ZNF469: variants seen among roughly 807,000 people sequenced by gnomAD.
ZNF469 encodes the protein zinc finger protein 469.
In ZNF469, 1 loss-of-function variant was observed where a neutral mutation model predicts 1.0. That is an observed-to-expected ratio of 1.00 (90% CI 0.35 to 4.73). The LOEUF (loss-of-function observed/expected upper bound fraction) is 4.73, where lower values mean the gene tolerates loss of function less well. Among genes scored for constraint, ZNF469 ranks in the 30% most tolerant of loss-of-function variants. The pLI is 0.16. For missense variants in ZNF469, 6,100 were observed against 5,356.3 expected (o/e 1.14, Z -4.33); for synonymous variants, 2,703 against 2,363.4 (o/e 1.14, Z -4.17).
the ZNF469 span, among the ~76,000 whole-genome samples, chr16:88,236,451 C>T: frequency 6.3e-5 from 8 of 127,380 alleles, no homozygotes; most frequent in African/African-American, 1.2e-4. Flanking sequence ...CATAGGGAGG[C>T]GGGTATAAAG....
Position 88,427,657 on chromosome 16 carries a change from G to C in ZNF469, c.187G>C (p.Ala63Pro). 2 of 1,536,862 alleles carry C rather than the reference G, an allele frequency of 1.3e-6. No homozygotes were observed. Among genetic ancestry groups the C allele is most frequent in the South Asian group, 2.4e-5 (2 of 83,902 alleles). ...GGCCCAGGCCATGGAGCTCCCCGAG[G>C]CCCAGCCAAGGCAGGCCAGGGACGG... ...GQAQAMELPE[A>P]QPRQARDGEL... Residue 63 changes from alanine (A) to proline (P), a missense_variant, in exon 3 of 3, where the codon GCC becomes CCC. Transcript: ENST00000565624.
At chr16:88,195,649 G>C in the ZNF469 span, among the ~76,000 whole-genome samples, 1 of 152,228 alleles carries the variant, frequency 6.6e-6, no homozygotes. Flanking sequence ...GAGAGGGCAT[G>C]GGCCCAGCTA....
At chr16:88,173,152 C>T in the ZNF469 span, among the ~76,000 whole-genome samples, 1 of 152,038 alleles carries the variant, frequency 6.6e-6, no homozygotes, top group Non-Finnish European at 1.5e-5. Context: ...ACCAAAAGAG[C>T]CACATCAAGG....
At chr16:88,149,966 A>G in the ZNF469 span, among the ~76,000 whole-genome samples, 25 of 152,190 alleles carry the variant, frequency 1.6e-4, no homozygotes, top group South Asian at 3.5e-3. Flanking sequence ...GGTGTTGCCT[A>G]CCTCTGTCAG....
rs761979697 is a variant in ZNF469, at chr16:88,436,524, C to T, written c.9054C>T (p.Pro3018=). 62 of 1,548,946 alleles carry T rather than the reference C, an allele frequency of 4.0e-5. No homozygotes were observed. Among genetic ancestry groups the T allele is most frequent in the East Asian group, 1.2e-4 (5 of 40,930 alleles). The change falls in exon 3 of 3, where the codon CCC becomes CCT. Residue 3018 remains proline (P), a synonymous_variant. Transcript: ENST00000565624. The part of the protein sequence containing the change: ...DSSSSLGDVS[P]EPPSLERERC... Reference sequence around the variant, plus strand: ...CCTCTTCTCTCGGAGATGTGAGCCCCGAGCCCCCCAGCCTGGAGAGAGAAC... The same window carrying T: ...CCTCTTCTCTCGGAGATGTGAGCCCTGAGCCCCCCAGCCTGGAGAGAGAAC...
chr16:88,316,145 C>T, the ZNF469 span, among the ~76,000 whole-genome samples: 1 of 152,246 alleles, frequency 6.6e-6, no homozygotes, highest in East Asian at 1.9e-4. Flanking sequence ...GGAGCAGCTT[C>T]CCCCAGGTCC....
the ZNF469 span, among the ~76,000 whole-genome samples, chr16:88,301,947 C>T: frequency 1.3e-5 from 2 of 152,292 alleles, no homozygotes; most frequent in Admixed American, 1.3e-4. Context: ...GCCCTCCTCC[C>T]CCAATCCTTG....
chr16:88,242,322 A>G, the ZNF469 span, among the ~76,000 whole-genome samples: 3 of 152,134 alleles, frequency 2.0e-5, no homozygotes, highest in Non-Finnish European at 1.5e-5. Flanking sequence ...TTCTTCAACA[A>G]TGCATTTCTG....
rs999670971 is a variant in ZNF469 at position 88,435,816 on chromosome 16, C to T, written c.8346C>T (p.His2782=). The T allele has an allele frequency of 5.2e-5, 81 of 1,550,436 alleles. No individual in the cohort carries two copies. In the East Asian group the frequency reaches 1.9e-3, roughly 37 times the overall value. ...SEPAEDSSRA[H]SRSEEGVWEE... is the part of the protein sequence containing the mutation. Reference sequence around the variant, plus strand: ...CTGCGGAGGACAGCAGCAGGGCCCACAGCCGATCAGAGGAAGGTGTCTGGG... The same window carrying T: ...CTGCGGAGGACAGCAGCAGGGCCCATAGCCGATCAGAGGAAGGTGTCTGGG... Residue 2782 remains histidine (H), a synonymous_variant, in exon 3 of 3, where the codon CAC becomes CAT. Coordinates refer to ENST00000565624, the MANE Select transcript of ZNF469 (RefSeq NM_001367624.2).
the ZNF469 span, among the ~76,000 whole-genome samples, chr16:88,258,622 G>T: frequency 6.6e-6 from 1 of 151,994 alleles, no homozygotes; most frequent in African/African-American, 2.4e-5. Flanking sequence ...GGTAGCATTT[G>T]GCACAGACCC....
chr16:88,367,505 C>T, the ZNF469 span, among the ~76,000 whole-genome samples: 2 of 152,224 alleles, frequency 1.3e-5, no homozygotes, highest in Admixed American at 1.3e-4. Flanking sequence ...AGAACATTTG[C>T]CATGATAGCA....
chr16:88,163,620 GGA>G, the ZNF469 span, among the ~76,000 whole-genome samples: 1 of 28,320 alleles, frequency 3.5e-5, no homozygotes, highest in Non-Finnish European at 3.0e-4. Flanking sequence ...GTAGATGGAT[GGA>G]TGGATGGATG....
Position 88,431,917 on chromosome 16 carries a change from G to T in ZNF469, c.4447G>T (p.Ala1483Ser), listed in dbSNP as rs273585620. The T allele has an allele frequency of 1.1e-5, 17 of 1,549,478 alleles. No individual in the cohort carries two copies. The highest frequency in any genetic ancestry group is 1.5e-5 in the Non-Finnish European group (17 of 1,146,886). The part of the protein sequence containing the change: ...SANRDSGLPF[A>S]CADPPQKTVP... Reference sequence around the variant, plus strand: ...GAACAGGGACTCCGGTCTGCCGTTCGCATGTGCCGACCCTCCCCAGAAGAC... The same window carrying T: ...GAACAGGGACTCCGGTCTGCCGTTCTCATGTGCCGACCCTCCCCAGAAGAC... Residue 1483 changes from alanine to serine, a missense_variant, in exon 3 of 3, where the codon GCA (alanine) becomes TCA (serine). Ala to Ser is a moderately conservative substitution (Grantham distance 99). Coordinates refer to ENST00000565624, the MANE Select transcript of ZNF469 (RefSeq NM_001367624.2).
rs182760011 is a variant in ZNF469 at position 88,400,551 on chromosome 16, C to T, written c.-192+17297C>T. Among the ~76,000 whole-genome samples, 313 of 152,314 alleles carry T rather than the reference C, an allele frequency of 2.1e-3. 1 individual carries two copies. The highest frequency in any genetic ancestry group is 7.2e-3 in the African/African-American group (298 of 41,572). On this transcript the variant is annotated intron_variant, in intron 1 of 2. Coordinates refer to ENST00000565624, the MANE Select transcript of ZNF469 (RefSeq NM_001367624.2). ...CCTCTAAGCCAGGCGAGCCCAAAGGCCTTCCTGGGGCCAGGGACCCAACTG... is the reference window on the plus strand; with the variant it reads ...CCTCTAAGCCAGGCGAGCCCAAAGGTCTTCCTGGGGCCAGGGACCCAACTG...
At chr16:88,185,537 ACC>A in the ZNF469 span, among the ~76,000 whole-genome samples, 15,032 of 151,692 alleles carry the variant, frequency 0.099, 763 homozygotes, top group Middle Eastern at 0.15. Flanking sequence ...CCAGACCCAC[ACC>A]CACTCACATT....
the ZNF469 span, among the ~76,000 whole-genome samples, chr16:88,343,166 G>A: frequency 6.7e-6 from 1 of 149,028 alleles, no homozygotes; most frequent in African/African-American, 2.5e-5. Context: ...TCATGCTCCT[G>A]GGTCCGTGGT....
At chr16:88,371,491 G>A in the ZNF469 span, among the ~76,000 whole-genome samples, 1 of 152,196 alleles carries the variant, frequency 6.6e-6, no homozygotes, top group Non-Finnish European at 1.5e-5. Context: ...TGACAGATGG[G>A]AAAACCAAAG....
the ZNF469 span, among the ~76,000 whole-genome samples, chr16:88,317,138 C>T: frequency 2.0e-5 from 3 of 152,234 alleles, no homozygotes; most frequent in African/African-American, 7.2e-5. Flanking sequence ...TGATGGAATC[C>T]AACTGATCTC....
the ZNF469 span, among the ~76,000 whole-genome samples, chr16:88,358,080 T>C: frequency 6.6e-6 from 1 of 152,176 alleles, no homozygotes; most frequent in African/African-American, 2.4e-5. Flanking sequence ...CCAGCCTCCT[T>C]TCAGGGCAAG....
Sources: allele counts gnomAD v4.1 joint callset (sites outside exome capture counted in the v4.1 genomes callset), GRCh38; gene constraint gnomAD v4.1.1; transcripts MANE v1.5; gene names NCBI Gene and HGNC (gene_info 2026-07-23, HGNC 2026-07-21).